PCDHGA9: variants seen among roughly 807,000 people sequenced by gnomAD.
The protein encoded by PCDHGA9 is protocadherin gamma-A9.
In PCDHGA9, 37 loss-of-function variants were observed where a neutral mutation model predicts 62.5. That is an observed-to-expected ratio of 0.59 (90% CI 0.46 to 0.78). PCDHGA9 has a LOEUF of 0.78. Ranked by LOEUF, PCDHGA9 falls within the 30% of genes least tolerant of loss-of-function variation. The probability of loss-of-function intolerance (pLI) is 0.00; values close to 1 mark genes in which losing one functional copy is unlikely to be tolerated. For missense variants in PCDHGA9, 1,138 were observed against 1,166.2 expected (o/e 0.98, Z 0.35); for synonymous variants, 459 against 484.6 (o/e 0.95, Z 0.69).
intron 1 of PCDHGA9, among the ~76,000 whole-genome samples, chr5:141,460,983 GTATA>G (rs59296681): frequency 0.024 from 3,365 of 137,748 alleles, 55 homozygotes; most frequent in African/African-American, 0.035. Flanking sequence ...GTGTGTGTGT[GTATA>G]TATATATATG....
In PCDHGA9 at chr5:141,404,926, C is replaced by CA. The variant is rs765817542; in HGVS notation, c.1975dup (p.Thr659AsnfsTer8). 2 of 1,613,884 alleles carry CA rather than the reference C, an allele frequency of 1.2e-6. No homozygotes were observed. Among genetic ancestry groups the CA allele is most frequent in the Non-Finnish European group, 1.7e-6 (2 of 1,179,840 alleles). ...GCCAGCCCCCTCTCTCGGCCACTGT[C>CA]ACGCTCACAGTAGCCATAGCTGACA... On this transcript the variant is annotated frameshift_variant, in exon 1 of 4. Transcript: ENST00000573521. LOFTEE classifies it high-confidence loss of function.
intron 1 of PCDHGA9, among the ~76,000 whole-genome samples, chr5:141,470,854 A>G (rs553276517): frequency 6.6e-6 from 1 of 152,028 alleles, no homozygotes; most frequent in Admixed American, 6.6e-5. Context: ...TGCTCAGATA[A>G]GTTTTTTGTT....
chr5:141,408,863 C>T, intron 1 of PCDHGA9: 1 of 1,613,604 alleles, frequency 6.2e-7, no homozygotes, highest in Non-Finnish European at 8.5e-7. Context: ...AGGGGACCCA[C>T]CAAGAAGTGC....
At position 141,461,300 on chromosome 5, in the gene PCDHGA9, A is replaced by G. The variant is rs889981233; in HGVS notation, c.2425-33507A>G. Among the ~76,000 whole-genome samples, 10 of 152,106 alleles carry G rather than the reference A, an allele frequency of 6.6e-5. No individual in the cohort carries two copies. In the East Asian group the frequency reaches 1.4e-3, roughly 21 times the overall value. On this transcript the variant is annotated intron_variant, in intron 1 of 3. Transcript: ENST00000573521. The stretch of plus-strand genomic sequence containing the variant: ...TTTCCCCACATCCACACCAACATCT[A>G]TTGTTTTTTGACTTTTTAATAATGG...
At chr5:141,474,452 G>A (rs1341193950) in intron 1 of PCDHGA9, among the ~76,000 whole-genome samples, 1 of 152,158 alleles carries the variant, frequency 6.6e-6, no homozygotes, top group Non-Finnish European at 1.5e-5. Flanking sequence ...CAAGTGATTG[G>A]GCTATACTCT....
At chr5:141,454,409 T>G (rs1221091875) in intron 1 of PCDHGA9, among the ~76,000 whole-genome samples, 1 of 152,162 alleles carries the variant, frequency 6.6e-6, no homozygotes, top group Non-Finnish European at 1.5e-5. Flanking sequence ...TTATTCCTTT[T>G]TATTTATTTA....
chr5:141,511,793 G>A lies in PCDHGA9; in HGVS notation c.*620G>A, dbSNP rs2099883948. The stretch of plus-strand genomic sequence containing the variant: ...TACTGATGCTTGCTGGATTTAGGGA[G>A]GGCATTTTGCTACCAAGCCTCTTCC... On this transcript the variant is annotated 3_prime_UTR_variant, in exon 4 of 4. Coordinates refer to ENST00000573521, the MANE Select transcript of PCDHGA9 (RefSeq NM_018921.3). 6.4e-6 allele frequency: 1 copy of A among 157,066 alleles called. No homozygotes were observed. The highest frequency in any genetic ancestry group is 2.4e-5 in the African/African-American group (1 of 41,492). 9.7% of individuals were successfully genotyped at this position (157,066 alleles called of 1,614,324 possible). A position where few individuals can be genotyped will look rare whatever the true frequency, so the allele number is the denominator to read the frequency against.
rs762314174 is a variant in PCDHGA9, at chr5:141,404,905, GCC to G, written c.1957_1958del (p.Pro653SerfsTer13). The G allele has an allele frequency of 1.9e-6, 3 of 1,613,910 alleles. No homozygotes were observed. In the South Asian group the frequency reaches 3.3e-5, roughly 18 times the overall value. On this transcript the variant is annotated frameshift_variant, in exon 1 of 4. Coordinates refer to ENST00000573521, the MANE Select transcript of PCDHGA9 (RefSeq NM_018921.3). LOFTEE classifies it high-confidence loss of function. ...TGGTGGCTGTACAGGACCATGGCCA[GCC>G]CCCTCTCTCGGCCACTGTCACGCTC... Reference protein sequence around the residue: ...LVVAVQDHGQPPLSATVTLTV... With the variant: ...LVVAVQDHGQXPLSATVTLTV...
chr5:141,504,461 C>T (rs1485490028), intron 2 of PCDHGA9, among the ~76,000 whole-genome samples: 1 of 151,900 alleles, frequency 6.6e-6, no homozygotes, highest in Non-Finnish European at 1.5e-5. Flanking sequence ...GTGGGGCAGC[C>T]GCTGGGATGG....
rs762476625 is a variant in PCDHGA9 at position 141,420,218 on chromosome 5, C to A, written c.2424+14842C>A. On this transcript the variant is annotated intron_variant, in intron 1 of 3. Coordinates refer to ENST00000573521, the MANE Select transcript of PCDHGA9 (RefSeq NM_018921.3). The stretch of plus-strand genomic sequence containing the variant: ...AGATAACCTCAACAAAGATAGCATG[C>A]TACTGGCTAGCATTTTAACTCCCAG... 4 of 1,608,408 alleles carry A rather than the reference C, an allele frequency of 2.5e-6. No individual in the cohort carries two copies. In the South Asian group the frequency reaches 4.4e-5, roughly 18 times the overall value.
intron 1 of PCDHGA9, chr5:141,422,513 G>A (rs765955739): frequency 6.2e-7 from 1 of 1,614,000 alleles, no homozygotes. Context: ...ACAGACCAGG[G>A]AAGCCCGCCT....
At chr5:141,478,283 T>C (rs755297808) in intron 1 of PCDHGA9, 2 of 1,614,148 alleles carry the variant, frequency 1.2e-6, no homozygotes, top group South Asian at 2.2e-5. Context: ...GTGGAAGCAG[T>C]CTAGAGACCT....
chr5:141,456,783 C>G (rs1400541298), intron 1 of PCDHGA9, among the ~76,000 whole-genome samples: 3 of 151,802 alleles, frequency 2.0e-5, no homozygotes, highest in African/African-American at 4.8e-5. Flanking sequence ...GCCTACATGG[C>G]AAAACCCCAT....
rs1449605701 is a variant in PCDHGA9 at position 141,485,191 on chromosome 5, A to C, written c.2425-9616A>C. ...CGGCAGCAATGCTCCGCAAGGTGAG[A>C]AGCTGGACAGAAATCTGGCGGTGGG... is the stretch of plus-strand genomic sequence containing the variant. On this transcript the variant is annotated intron_variant, in intron 1 of 3. Coordinates refer to ENST00000573521, the MANE Select transcript of PCDHGA9 (RefSeq NM_018921.3). This position sits in a 1 kb window ranked among gnomAD's most constrained non-coding sequence, Gnocchi z 5.7. The C allele has an allele frequency of 6.2e-7, 1 of 1,613,836 alleles. No individual in the cohort carries two copies. The highest frequency in any genetic ancestry group is 1.3e-5 in the African/African-American group (1 of 75,042).
At chr5:141,454,970 G>A (rs2098808431) in intron 1 of PCDHGA9, among the ~76,000 whole-genome samples, 2 of 151,444 alleles carry the variant, frequency 1.3e-5, no homozygotes, top group African/African-American at 4.9e-5. Context: ...ACCACGCCTG[G>A]CTAATTTTTT....
At chr5:141,501,308 C>T (rs1220463692) in intron 2 of PCDHGA9, among the ~76,000 whole-genome samples, 2 of 151,492 alleles carry the variant, frequency 1.3e-5, no homozygotes, top group African/African-American at 2.4e-5. Context: ...CACACACACA[C>T]ACACACACAC....
rs759095332 is a variant in PCDHGA9, at chr5:141,432,306, C to T, written c.2424+26930C>T. 1 of 1,614,250 alleles carries T rather than the reference C, an allele frequency of 6.2e-7. No homozygotes were observed. On this transcript the variant is annotated intron_variant, in intron 1 of 3. Coordinates refer to ENST00000573521, the MANE Select transcript of PCDHGA9 (RefSeq NM_018921.3). This position sits in a 1 kb window ranked among gnomAD's most constrained non-coding sequence, Gnocchi z 6.0. ...AACTCCGACACTGGGGTACTGTATG[C>T]GCTGAGCTCCTTCGACTACGAGCAG...
chr5:141,423,636 C>A, intron 1 of PCDHGA9: 1 of 1,598,388 alleles, frequency 6.3e-7, no homozygotes, highest in Non-Finnish European at 8.5e-7. Context: ...TCATTTTAGG[C>A]AAATGTGACC....
Position 141,403,457 on chromosome 5 carries a change from A to G in PCDHGA9, c.505A>G (p.Ser169Gly). The G allele has an allele frequency of 6.2e-7, 1 of 1,613,982 alleles. No homozygotes were observed. Among genetic ancestry groups the G allele is most frequent in the Non-Finnish European group, 8.5e-7 (1 of 1,179,886 alleles). ...GGATGTTGGCGTGAACTCCCTCCAG[A>G]GCTACCAGCTCAGCCCCAATCACCA... ...DPDVGVNSLQSYQLSPNHHFS... is the reference protein window; with the variant it reads ...DPDVGVNSLQGYQLSPNHHFS... The change falls in exon 1 of 4, where the codon AGC (serine) becomes GGC (glycine). Residue 169 changes from serine (S) to glycine (G), a missense_variant. Ser to Gly is a moderately conservative substitution (Grantham distance 56, BLOSUM62 0). Coordinates refer to ENST00000573521, the MANE Select transcript of PCDHGA9 (RefSeq NM_018921.3).
Sources: allele counts gnomAD v4.1 joint callset (sites outside exome capture counted in the v4.1 genomes callset), GRCh38; gene constraint gnomAD v4.1.1; non-coding constraint Gnocchi (gnomAD v3.1); transcripts MANE v1.5; gene names NCBI Gene and HGNC (gene_info 2026-07-23, HGNC 2026-07-21).